Variants in MCC observed in about 807,000 individuals in gnomAD.
MCC encodes MCC regulator of Wnt signaling pathway, also known as colorectal mutant cancer protein.
MCC carries 90 observed loss-of-function variants against 116.2 expected under a neutral mutation model. The ratio of observed to expected loss-of-function variants is 0.77; its 90% CI spans 0.65 to 0.92. The LOEUF (loss-of-function observed/expected upper bound fraction) is 0.92, where lower values mean the gene tolerates loss of function less well. Ranked by LOEUF, MCC falls within the 40% of genes least tolerant of loss-of-function variation. The probability of loss-of-function intolerance (pLI) is 0.00; values close to 1 mark genes in which losing one functional copy is unlikely to be tolerated. For missense variants in MCC, 1,516 were observed against 1,312.2 expected (o/e 1.16, Z -2.40); for synonymous variants, 578 against 510.5 (o/e 1.13, Z -1.78).
chr5:113,342,361 G>A (rs1207651008), intron 2 of MCC, among the ~76,000 whole-genome samples: 1 of 152,098 alleles, frequency 6.6e-6, no homozygotes, highest in Non-Finnish European at 1.5e-5. Context: ...ACCAGGAGTG[G>A]GATTGCTGGA....
chr5:113,285,837 T>TA (rs1292403847), intron 3 of MCC, among the ~76,000 whole-genome samples: 1 of 152,208 alleles, frequency 6.6e-6, no homozygotes, highest in Non-Finnish European at 1.5e-5. Flanking sequence ...TCCCCAGTCT[T>TA]ACAATAGCAT....
intron 13 of MCC, among the ~76,000 whole-genome samples, chr5:113,066,862 A>G (rs1266732330): frequency 1.3e-5 from 2 of 152,190 alleles, no homozygotes; most frequent in Non-Finnish European, 2.9e-5. Flanking sequence ...TGGCCTGCCC[A>G]CACCATCCAT....
chr5:113,471,778 G>T, intron 1 of MCC, among the ~76,000 whole-genome samples: 1 of 68,068 alleles, frequency 1.5e-5, no homozygotes, highest in East Asian at 7.4e-4. Flanking sequence ...AGGCAGGCAG[G>T]CCTCCTTGAG....
chr5:113,302,238 A>G (rs1040743986), intron 3 of MCC, among the ~76,000 whole-genome samples: 21 of 152,196 alleles, frequency 1.4e-4, no homozygotes, highest in South Asian at 2.1e-4. Context: ...TTACATGAAG[A>G]AATGTTACAT....
At chr5:113,446,868 A>G (rs889984480) in intron 1 of MCC, among the ~76,000 whole-genome samples, 1 of 152,208 alleles carries the variant, frequency 6.6e-6, no homozygotes, top group Non-Finnish European at 1.5e-5. Context: ...CTGAGTAACA[A>G]TATCAATCAT....
intron 1 of MCC, among the ~76,000 whole-genome samples, chr5:113,476,334 T>G (rs1772234351): frequency 6.6e-6 from 1 of 152,202 alleles, no homozygotes; most frequent in African/African-American, 2.4e-5. Flanking sequence ...ATGGTACTAG[T>G]ATAAGGATAG....
chr5:113,462,452 C>T (rs1407245926), intron 1 of MCC, among the ~76,000 whole-genome samples: 1 of 151,480 alleles, frequency 6.6e-6, no homozygotes, highest in Non-Finnish European at 1.5e-5. Context: ...GTCGAAACAA[C>T]ACTTTTAACA....
intron 3 of MCC, among the ~76,000 whole-genome samples, chr5:113,337,661 T>C (rs1767901243): frequency 1.3e-5 from 2 of 152,354 alleles, no homozygotes; most frequent in South Asian, 2.1e-4. Context: ...TGTGAATTAC[T>C]GTGTGCTTTC....
intron 2 of MCC, among the ~76,000 whole-genome samples, chr5:113,363,295 A>G (rs539526520): frequency 4.6e-5 from 7 of 152,328 alleles, no homozygotes; most frequent in Admixed American, 2.0e-4. Flanking sequence ...AAACAAAAAA[A>G]CAAACAAAAA....
intron 3 of MCC, among the ~76,000 whole-genome samples, chr5:113,160,327 A>G (rs1760414141): frequency 6.6e-6 from 1 of 152,252 alleles, no homozygotes; most frequent in South Asian, 2.1e-4. Context: ...TCCCATCTGT[A>G]AACATATGCT....
intron 3 of MCC, among the ~76,000 whole-genome samples, chr5:113,278,783 T>G (rs910584331): frequency 1.3e-5 from 2 of 152,124 alleles, no homozygotes; most frequent in Non-Finnish European, 2.9e-5. Flanking sequence ...ATGAAGGGTT[T>G]CTAGGCAGGG....
At chr5:113,057,297 T>C (rs562796016) in intron 14 of MCC, among the ~76,000 whole-genome samples, 9 of 152,238 alleles carry the variant, frequency 5.9e-5, no homozygotes, top group East Asian at 5.8e-4. Context: ...GTCTGCTTTA[T>C]TGTTACAACA....
At chr5:113,456,184 T>A (rs1459324321) in intron 1 of MCC, among the ~76,000 whole-genome samples, 3 of 152,142 alleles carry the variant, frequency 2.0e-5, no homozygotes, top group Admixed American at 6.5e-5. Flanking sequence ...AAGCCTAACC[T>A]ATTTATGGCT....
intron 11 of MCC, among the ~76,000 whole-genome samples, chr5:113,079,725 T>A (rs1754720371): frequency 1.3e-5 from 2 of 152,146 alleles, no homozygotes; most frequent in Non-Finnish European, 2.9e-5. Context: ...ACCTAGGCAA[T>A]ACCATTCAGG....
At chr5:113,459,699 C>T (rs1367377607) in intron 1 of MCC, among the ~76,000 whole-genome samples, 4 of 152,198 alleles carry the variant, frequency 2.6e-5, no homozygotes, top group African/African-American at 9.6e-5. Context: ...TGTCGCTGCT[C>T]GCCCATTCTA....
In MCC at chr5:113,203,892, A is replaced by T. The variant is rs149804574; in HGVS notation, c.628-52470T>A. Among the ~76,000 whole-genome samples, 559 of 152,288 alleles carry T rather than the reference A, an allele frequency of 3.7e-3. 6 individuals are homozygous for T. The highest frequency in any genetic ancestry group is 0.012 in the African/African-American group (513 of 41,558). ...ACATAATAATTTATAAGAAGGCTTT[A>T]AAAAAAGTCACCAAGATTGGTCCTT... On this transcript the variant is annotated intron_variant, in intron 3 of 18. Transcript: ENST00000408903.
At chr5:113,114,888 CCTGG>C (rs1340773491) in intron 6 of MCC, among the ~76,000 whole-genome samples, 1 of 152,144 alleles carries the variant, frequency 6.6e-6, no homozygotes, top group African/African-American at 2.4e-5. Context: ...CCTGATTTTT[CCTGG>C]ATGCCAAACA....
intron 1 of MCC, among the ~76,000 whole-genome samples, chr5:113,406,801 T>C (rs1420971133): frequency 6.6e-6 from 1 of 152,120 alleles, no homozygotes; most frequent in African/African-American, 2.4e-5. Context: ...ACCAGCAGGT[T>C]CAACCAGAAG....
At position 113,376,574 on chromosome 5, in the gene MCC, T is replaced by TATATACACACAC. The variant is rs10633405; in HGVS notation, c.415+8393_415+8394insGTGTGTGTATAT. Among the ~76,000 whole-genome samples the TATATACACACAC allele has an allele frequency of 6.2e-3, 902 of 145,868 alleles. 8 individuals are homozygous for TATATACACACAC. The highest frequency in any genetic ancestry group is 6.8e-3 in the African/African-American group (268 of 39,190). On this transcript the variant is annotated intron_variant, in intron 2 of 18. Transcript: ENST00000408903. ...TGAATCTCCTAGTTGCCATATTTTA[T>TATATACACACAC]ACACACACACACACACACACACACA...
Sources: gnomAD v4.1 joint callset for allele counts (sites outside exome capture counted in the v4.1 genomes callset) on GRCh38, gnomAD v4.1.1 for gene constraint, MANE v1.5 for transcripts, NCBI Gene and HGNC (gene_info 2026-07-23, HGNC 2026-07-21) for gene names.